The following SEPTIN14 variants were observed in gnomAD, a reference collection of about 807,000 sequenced individuals.
SEPTIN14 encodes septin 14, also known as septin-14.
SEPTIN14 carries 40 observed loss-of-function variants against 53.6 expected under a neutral mutation model. The ratio of observed to expected loss-of-function variants is 0.75; its 90% CI spans 0.58 to 0.97. The LOEUF is 0.97. SEPTIN14 is among the 50% of genes least tolerant of loss of function. The pLI is 0.00. For synonymous variants in SEPTIN14, 138 were observed against 166.8 expected, an observed-to-expected ratio of 0.83 and a Z score of 1.33; for missense variants, 471 against 508.2, an observed-to-expected ratio of 0.93 and a Z score of 0.70.
At position 55,846,514 on chromosome 7, in the gene SEPTIN14, T is replaced by TA. The variant is rs1273887195; in HGVS notation, c.175+2dup. ...TAATTCAAATGAGGTGTTTGACACTTACCCACACAGAGAATATTAAAAGTG... is the reference window on the plus strand; with the variant it reads ...TAATTCAAATGAGGTGTTTGACACTTAACCCACACAGAGAATATTAAAAGTG... On this transcript the variant is annotated splice_region_variant and intron_variant, in intron 3 of 9. Coordinates refer to ENST00000388975, the MANE Select transcript of SEPTIN14 (RefSeq NM_207366.3). 1 of 1,577,934 alleles carries TA rather than the reference T, an allele frequency of 6.3e-7. No homozygotes were observed. Among genetic ancestry groups the TA allele is most frequent in the Admixed American group, 2.0e-5 (1 of 50,846 alleles).
chr7:55,857,975 T>C (rs1400478355), intron 2 of SEPTIN14, among the ~76,000 whole-genome samples: 4 of 152,296 alleles, frequency 2.6e-5, no homozygotes, highest in Non-Finnish European at 2.9e-5. Context: ...CAGTGAAAGA[T>C]TGATAGGACT....
At chr7:55,808,164 G>A (rs1584252764) in intron 7 of SEPTIN14, among the ~76,000 whole-genome samples, 1 of 152,212 alleles carries the variant, frequency 6.6e-6, no homozygotes, top group East Asian at 1.9e-4. Flanking sequence ...AGACCTAATG[G>A]ACATATGTGG....
At chr7:55,818,446 T>C (rs1160269901) in intron 7 of SEPTIN14, among the ~76,000 whole-genome samples, 3 of 123,986 alleles carry the variant, frequency 2.4e-5, no homozygotes. Context: ...CACTCCAGCC[T>C]GGGCAACACG....
intron 5 of SEPTIN14, among the ~76,000 whole-genome samples, chr7:55,835,734 T>C (rs1789193476): frequency 6.6e-6 from 1 of 152,106 alleles, no homozygotes. Context: ...TATAGATGTT[T>C]TTGATTACCA....
intron 5 of SEPTIN14, among the ~76,000 whole-genome samples, chr7:55,835,403 C>T (rs1424666008): frequency 6.6e-6 from 1 of 151,918 alleles, no homozygotes; most frequent in Non-Finnish European, 1.5e-5. Flanking sequence ...GGGGTTTCAC[C>T]GTGTTAGCCA....
intron 7 of SEPTIN14, among the ~76,000 whole-genome samples, chr7:55,816,517 C>G (rs530019627): frequency 2.6e-5 from 4 of 151,920 alleles, no homozygotes; most frequent in Non-Finnish European, 5.9e-5. Context: ...AAAACACAGG[C>G]CCAGTGTGGT....
At chr7:55,848,935 A>G (rs1789473154) in intron 2 of SEPTIN14, among the ~76,000 whole-genome samples, 1 of 152,148 alleles carries the variant, frequency 6.6e-6, no homozygotes, top group Non-Finnish European at 1.5e-5. Flanking sequence ...AACAGCTATT[A>G]TAAATGTGCA....
At chr7:55,834,626 A>G in intron 5 of SEPTIN14, 40 bp from the exon 6 acceptor site, 2 of 1,515,486 alleles carry the variant, frequency 1.3e-6, no homozygotes, top group Non-Finnish European at 8.9e-7. Flanking sequence ...ATCATTGTTC[A>G]TCTCACAGTT....
chr7:55,831,410 T>C (rs1044778322), intron 6 of SEPTIN14, among the ~76,000 whole-genome samples: 4 of 151,832 alleles, frequency 2.6e-5, no homozygotes, highest in African/African-American at 7.3e-5. Flanking sequence ...GCTGGGAAAA[T>C]TGGCTACCCA....
At chr7:55,828,037 A>G (rs1789021577) in intron 6 of SEPTIN14, among the ~76,000 whole-genome samples, 1 of 151,700 alleles carries the variant, frequency 6.6e-6, no homozygotes, top group Non-Finnish European at 1.5e-5. Flanking sequence ...AAAAAAAAAA[A>G]GCAGAATGTT....
chr7:55,806,003 TC>T (rs1038911975), intron 8 of SEPTIN14, among the ~76,000 whole-genome samples: 2 of 152,098 alleles, frequency 1.3e-5, no homozygotes, highest in African/African-American at 4.8e-5. Flanking sequence ...GTCCTATTCT[TC>T]TTTTTTTTTT....
At position 55,849,737 on chromosome 7, in the gene SEPTIN14, C is replaced by A. The variant is rs182276237; in HGVS notation, c.55-3100G>T. 2.8e-3 allele frequency among the ~76,000 whole-genome samples: 423 copies of A among 152,180 alleles called. 5 individuals are homozygous for A. Among genetic ancestry groups the A allele is most frequent in the Middle Eastern group, 0.01 (3 of 294 alleles). On this transcript the variant is annotated intron_variant, in intron 2 of 9. Coordinates refer to ENST00000388975, the MANE Select transcript of SEPTIN14 (RefSeq NM_207366.3). The stretch of plus-strand genomic sequence containing the variant: ...CTCCAGCCTGGGCAACAGAGCAAGA[C>A]TCCATCTCAAAAAAACAAAAAACAA...
rs1456467699 is a variant in SEPTIN14, at chr7:55,837,127, A to T, written c.559-2541T>A. On this transcript the variant is annotated intron_variant, in intron 5 of 9. Transcript: ENST00000388975. Reference sequence around the variant, plus strand: ...TTTTAACCTTTTTTTTTTTTTTGAGAGAGAGAGAGAGAGGGTCTTGATCTG... The same window carrying T: ...TTTTAACCTTTTTTTTTTTTTTGAGTGAGAGAGAGAGAGGGTCTTGATCTG... Among the ~76,000 whole-genome samples, 328 of 147,034 alleles carry T rather than the reference A, an allele frequency of 2.2e-3. 3 individuals carry two copies. Among genetic ancestry groups the T allele is most frequent in the African/African-American group, 7.7e-3 (303 of 39,456 alleles).
At chr7:55,836,075 A>C (rs1053709510) in intron 5 of SEPTIN14, among the ~76,000 whole-genome samples, 2 of 151,970 alleles carry the variant, frequency 1.3e-5, no homozygotes, top group Non-Finnish European at 2.9e-5. Context: ...GTGTGTATGT[A>C]TGTGTGTGTG....
At chr7:55,799,323 T>G (rs1361349380) in intron 9 of SEPTIN14, among the ~76,000 whole-genome samples, 1 of 144,468 alleles carries the variant, frequency 6.9e-6, no homozygotes. Flanking sequence ...CTGGCCAACA[T>G]GGTGAAACGC....
chr7:55,800,061 G>A (rs188987903), intron 9 of SEPTIN14, among the ~76,000 whole-genome samples: 449 of 152,136 alleles, frequency 3.0e-3, no homozygotes, highest in Middle Eastern at 6.8e-3. Flanking sequence ...TATAATATTA[G>A]AAATCAATAA....
chr7:55,845,253 C>T (rs1789383024), intron 3 of SEPTIN14, among the ~76,000 whole-genome samples: 1 of 143,680 alleles, frequency 7.0e-6, no homozygotes, highest in South Asian at 2.3e-4. Context: ...CTTAGCAAAC[C>T]ATCAGAGCTC....
chr7:55,830,505 G>A (rs2116022791), intron 6 of SEPTIN14, among the ~76,000 whole-genome samples: 1 of 150,744 alleles, frequency 6.6e-6, no homozygotes, highest in East Asian at 2.0e-4. Context: ...CACCACACCT[G>A]GCTAATTTTT....
chr7:55,806,088 C>T (rs969731880), intron 8 of SEPTIN14, among the ~76,000 whole-genome samples: 2 of 152,088 alleles, frequency 1.3e-5, no homozygotes, highest in Non-Finnish European at 2.9e-5. Flanking sequence ...TCTCTGCTGC[C>T]CAGGTTCAAG....
Sources: allele counts gnomAD v4.1 joint callset (sites outside exome capture counted in the v4.1 genomes callset), GRCh38; gene constraint gnomAD v4.1.1; transcripts MANE v1.5; gene names NCBI Gene and HGNC (gene_info 2026-07-23, HGNC 2026-07-21).